The following TP53I11 variants were observed in gnomAD, a reference collection of about 807,000 sequenced individuals.
TP53I11 encodes the protein tumor protein p53-inducible protein 11.
Under a neutral mutation model 23.3 loss-of-function variants are expected in TP53I11, and 9 were observed. That is an observed-to-expected ratio of 0.39 (90% CI 0.23 to 0.67). TP53I11 has a LOEUF of 0.67. Among genes scored for constraint, TP53I11 ranks in the 30% least tolerant of loss-of-function variants. TP53I11 has a pLI of 0.48. For missense variants in TP53I11, 170 were observed against 255.2 expected (o/e 0.67, Z 2.27); for synonymous variants, 100 against 106.1 (o/e 0.94, Z 0.35).
chr11:44,935,922 A>AAT, intron 5 of TP53I11: 1 of 557,524 alleles, frequency 1.8e-6, no homozygotes, highest in Admixed American at 3.2e-5. Context: ...ACTTCCCCGC[A>AAT]TTGAGACTCG....
At position 44,947,188 on chromosome 11, in the gene TP53I11, G is replaced by T. The variant is rs979015642; in HGVS notation, c.-32+3489C>A. On this transcript the variant is annotated intron_variant, in intron 1 of 6. Transcript: ENST00000525680. ...ATCACCGCTCAGAAGTCACTGGGAG[G>T]TTTTTCCTGTCTCGACGGTCATTCA... 3 of 450,874 alleles carry T rather than the reference G, an allele frequency of 6.7e-6. No individual in the cohort carries two copies. The Admixed American group carries it at 7.1e-5, about 11-fold the overall frequency. 27.9% of individuals were successfully genotyped at this position (450,874 alleles called of 1,614,324 possible).
At chr11:44,942,571 G>A (rs1861999568) in intron 1 of TP53I11, among the ~76,000 whole-genome samples, 2 of 152,238 alleles carry the variant, frequency 1.3e-5, no homozygotes, top group Non-Finnish European at 2.9e-5. Flanking sequence ...GCTGGGAAGA[G>A]TGGGCACTAC....
At chr11:44,950,593 C>T (rs1009554320) in intron 1 of TP53I11, 84 bp downstream of exon 1, 2 of 151,766 alleles carry the variant, frequency 1.3e-5, no homozygotes, top group Non-Finnish European at 2.9e-5. Flanking sequence ...CCGCAGGAGC[C>T]CCGCTGGGTT....
chr11:44,937,204 G>A (rs541588415), intron 4 of TP53I11, 100 bp downstream of exon 4: 4 of 1,422,806 alleles, frequency 2.8e-6, no homozygotes, highest in Admixed American at 2.0e-5. Context: ...ATGGGCCCCT[G>A]CACGAGGGGC....
chr11:44,945,645 G>C (rs1232133749), intron 1 of TP53I11, among the ~76,000 whole-genome samples: 3 of 152,120 alleles, frequency 2.0e-5, no homozygotes, highest in Non-Finnish European at 2.9e-5. Flanking sequence ...AGCAGGACTT[G>C]GGGAGGGATG....
In TP53I11 at chr11:44,934,854, C is replaced by A. The variant is rs750789656; in HGVS notation, c.*30G>T. The A allele has an allele frequency of 3.7e-6, 6 of 1,613,224 alleles. 1 individual carries two copies. The South Asian group carries it at 5.5e-5, about 15-fold the overall frequency. The stretch of plus-strand genomic sequence containing the variant: ...GGCCCCAGCGCCACTCTGGCCCAGG[C>A]ATGGGCAGGGCCCCAGGCCCAGCGG... On this transcript the variant is annotated 3_prime_UTR_variant, in exon 7 of 7. Coordinates refer to ENST00000525680, the MANE Select transcript of TP53I11 (RefSeq NM_006034.5).
intron 3 of TP53I11, 74 bp from the exon 4 acceptor site, chr11:44,937,426 T>G: frequency 1.3e-6 from 2 of 1,492,886 alleles, no homozygotes; most frequent in East Asian, 4.9e-5. Context: ...TCCCCAGGGA[T>G]GGCAGCTTTG....
At chr11:44,946,917 C>A in intron 1 of TP53I11, 1 of 424,732 alleles carries the variant, frequency 2.4e-6, no homozygotes. Context: ...GACTGGCACA[C>A]AGGTCCTATC....
chr11:44,935,081 C>A (rs553072163), intron 6 of TP53I11, 64 bp from the exon 7 acceptor site: 1 of 1,600,956 alleles, frequency 6.2e-7, no homozygotes, highest in Middle Eastern at 1.7e-4. Context: ...GCGCTGCCCC[C>A]CTAGCCCGGA....
At chr11:44,935,961 C>A (rs1473176820) in intron 5 of TP53I11, 3 of 471,104 alleles carry the variant, frequency 6.4e-6, no homozygotes, top group Non-Finnish European at 1.1e-5. Flanking sequence ...AGGACTGAGC[C>A]CCTGGCCCCT....
At position 44,936,070 on chromosome 11, in the gene TP53I11, C is replaced by T. The variant is rs2135422255; in HGVS notation, c.335-408G>A. 1 of 328,480 alleles carries T rather than the reference C, an allele frequency of 3.0e-6. No individual in the cohort carries two copies. The highest frequency in any genetic ancestry group is 4.7e-6 in the Non-Finnish European group (1 of 214,920). The allele number at this position is 328,480 out of a possible 1,614,324, so 20.3% of individuals were successfully genotyped here. ...ATTGGGTTTTCTTTTACACGGACTC[C>T]CAGACAGAAAACCTGAGCCCGGTAA... On this transcript the variant is annotated intron_variant, in intron 5 of 6. Coordinates refer to ENST00000525680, the MANE Select transcript of TP53I11 (RefSeq NM_006034.5). This position sits in a 1 kb window ranked among gnomAD's most constrained non-coding sequence, Gnocchi z 4.4.
chr11:44,943,914 C>T (rs1217112886), intron 1 of TP53I11, among the ~76,000 whole-genome samples: 1 of 152,222 alleles, frequency 6.6e-6, no homozygotes, highest in African/African-American at 2.4e-5. Context: ...CACTCAGAAG[C>T]CCACAGGTTA....
intron 1 of TP53I11, chr11:44,940,798 T>G (rs1565096246): frequency 6.6e-6 from 1 of 152,210 alleles, no homozygotes; most frequent in African/African-American, 2.4e-5. Context: ...ACATCCCTGT[T>G]GGACTTTCAG....
rs1861113996 is a variant in TP53I11 at position 44,936,428 on chromosome 11, A to C, written c.334+375T>G. 1 of 1,232,558 alleles carries C rather than the reference A, an allele frequency of 8.1e-7. No individual in the cohort carries two copies. Among genetic ancestry groups the C allele is most frequent in the Admixed American group, 4.2e-5 (1 of 23,962 alleles). 76.4% of individuals were successfully genotyped at this position (1,232,558 alleles called of 1,614,324 possible). ...TCAAACAGAAGTGGCTCTGGGGATA[A>C]AATAGGGGGGGTGCGAGGGGTTTTG... On this transcript the variant is annotated intron_variant, in intron 5 of 6. Coordinates refer to ENST00000525680, the MANE Select transcript of TP53I11 (RefSeq NM_006034.5). The surrounding 1 kb of genome is among the most constrained non-coding windows in gnomAD (Gnocchi z 4.4).
At chr11:44,947,743 G>A (rs557741825) in intron 1 of TP53I11, among the ~76,000 whole-genome samples, 2 of 152,290 alleles carry the variant, frequency 1.3e-5, no homozygotes, top group South Asian at 4.1e-4. Context: ...CTGATGAGCT[G>A]TATGCCTTTG....
Position 44,950,809 on chromosome 11 carries a change from A to AGGG in TP53I11, c.-165_-164insCCC, listed in dbSNP as rs1565141774. On this transcript the variant is annotated 5_prime_UTR_variant, in exon 1 of 7. Transcript: ENST00000525680. ...GCAGGGCAGGGCAGGGCAGGGCAGG[A>AGGG]CAGGGCAGGGCAGGGCAGGGCCGGG... 3,298 of 150,296 alleles carry AGGG rather than the reference A, an allele frequency of 0.022. 125 individuals are homozygous for AGGG. The highest frequency in any genetic ancestry group is 0.077 in the African/African-American group (3,128 of 40,852). The allele number at this position is 150,296 out of a possible 1,614,324, so 9.3% of individuals were successfully genotyped here. A position where few individuals can be genotyped will look rare whatever the true frequency, so the allele number is the denominator to read the frequency against.
At position 44,936,489 on chromosome 11, in the gene TP53I11, T is replaced by C; in HGVS notation, c.334+314A>G. ...ATTGATCTGCCTCTCCTCTAGGCTG[T>C]GAATTCCTAGAGGCTGGGCCTGGGC... On this transcript the variant is annotated intron_variant, in intron 5 of 6. Coordinates refer to ENST00000525680, the MANE Select transcript of TP53I11 (RefSeq NM_006034.5). The surrounding 1 kb of genome is among the most constrained non-coding windows in gnomAD (Gnocchi z 4.4). 1 of 1,240,076 alleles carries C rather than the reference T, an allele frequency of 8.1e-7. No individual in the cohort carries two copies. The highest frequency in any genetic ancestry group is 1.5e-5 in the African/African-American group (1 of 64,578). The allele number at this position is 1,240,076 out of a possible 1,614,324, so 76.8% of individuals were successfully genotyped here.
At chr11:44,947,169 G>A (rs747341882) in intron 1 of TP53I11, 35 of 453,552 alleles carry the variant, frequency 7.7e-5, no homozygotes, top group African/African-American at 4.0e-4. Context: ...CTCCATCACC[G>A]CTCAGAAGTC....
At chr11:44,948,713 C>A (rs1294734178) in intron 1 of TP53I11, among the ~76,000 whole-genome samples, 2 of 152,232 alleles carry the variant, frequency 1.3e-5, no homozygotes, top group Admixed American at 1.3e-4. Context: ...GTAATGCTCA[C>A]AAACATTTTG....
Sources: gnomAD v4.1 joint callset for allele counts (sites outside exome capture counted in the v4.1 genomes callset) on GRCh38, gnomAD v4.1.1 for gene constraint, Gnocchi (gnomAD v3.1) non-coding constraint, MANE v1.5 for transcripts, NCBI Gene and HGNC (gene_info 2026-07-23, HGNC 2026-07-21) for gene names.